ZNF462: variants seen among roughly 807,000 people sequenced by gnomAD.
The protein encoded by ZNF462 is zinc finger PBX1-interacting protein.
In ZNF462, 10 loss-of-function variants were observed where a neutral mutation model predicts 201.9. The ratio of observed to expected loss-of-function variants is 0.05; its 90% CI spans 0.03 to 0.08. The LOEUF (loss-of-function observed/expected upper bound fraction) is 0.08. Ranked by LOEUF, ZNF462 falls within the 10% of genes least tolerant of loss-of-function variation. ZNF462 has a pLI of 1.00. For synonymous variants in ZNF462, 1,227 were observed against 1,193.3 expected, an observed-to-expected ratio of 1.03 and a Z score of -0.58; for missense variants, 2,523 against 3,168.3, an observed-to-expected ratio of 0.80 and a Z score of 4.89.
At chr9:106,860,525 G>C (rs891723197), upstream of ZNF462, among the ~76,000 whole-genome samples, 1 of 152,060 alleles carries the variant, frequency 6.6e-6, no homozygotes, top group Non-Finnish European at 1.5e-5. The surrounding 1 kb of genome is among the most constrained non-coding windows in gnomAD (Gnocchi z 7.1). Context: ...CCCCATCTTA[G>C]GACTTACGAC....
Position 106,927,204 on chromosome 9 carries a change from T to TCCCCCCCCCCCCCCCCCCC in ZNF462, c.3296_3297insCCCCCCCCCCCCCCCCCCC (p.Gln1103ProfsTer16). The TCCCCCCCCCCCCCCCCCCC allele has an allele frequency of 6.4e-7, 1 of 1,570,638 alleles. No homozygotes were observed. The highest frequency in any genetic ancestry group is 8.7e-7 in the Non-Finnish European group (1 of 1,149,984). On this transcript the variant is annotated frameshift_variant, in exon 3 of 13. Transcript: ENST00000277225. LOFTEE classifies it high-confidence loss of function. Reference sequence around the variant, plus strand: ...GTCTCCCAAAATGTCCAACATGGGTTCCCCACCCCCCCCACAACCCCCGCC... The same window carrying TCCCCCCCCCCCCCCCCCCC: ...GTCTCCCAAAATGTCCAACATGGGTTCCCCCCCCCCCCCCCCCCCCCCCACCCCCCCCACAACCCCCGCC...
At chr9:106,898,137 A>G (rs184663938) in intron 1 of ZNF462, among the ~76,000 whole-genome samples, 102 of 152,336 alleles carry the variant, frequency 6.7e-4, no homozygotes, top group African/African-American at 2.2e-3. Flanking sequence ...ACTAAGTCTT[A>G]TAATAACATT....
At chr9:106,949,788 T>A (rs948784204) in intron 7 of ZNF462, among the ~76,000 whole-genome samples, 5 of 152,196 alleles carry the variant, frequency 3.3e-5, no homozygotes, top group African/African-American at 7.2e-5. Flanking sequence ...AATGTAATCT[T>A]CATGCTCTGG....
Position 106,995,327 on chromosome 9 carries a change from T to A in ZNF462, c.7057-7967T>A, listed in dbSNP as rs1192304578. Among the ~76,000 whole-genome samples the A allele has an allele frequency of 2.0e-5, 3 of 152,206 alleles. No individual in the cohort carries two copies. In the East Asian group the frequency reaches 5.8e-4, roughly 29 times the overall value. On this transcript the variant is annotated intron_variant, in intron 10 of 12. Transcript: ENST00000277225. The stretch of plus-strand genomic sequence containing the variant: ...CTGTGCTCTATATCCTTCTGGGTAC[T>A]CTATGATTCTTTGTTTTTAATATTC...
At chr9:106,891,436 C>T (rs966448348) in intron 1 of ZNF462, among the ~76,000 whole-genome samples, 2 of 152,034 alleles carry the variant, frequency 1.3e-5, no homozygotes, top group African/African-American at 2.4e-5. Context: ...GCTGCCTCTC[C>T]CCTTCTCTGT....
rs751537020 is a variant in ZNF462, at chr9:106,924,377, C to T, written c.465C>T (p.His155=). 8.0e-5 allele frequency: 129 copies of T among 1,613,972 alleles called. No homozygotes were observed. The highest frequency in any genetic ancestry group is 9.7e-5 in the Non-Finnish European group (115 of 1,180,032). ...CCTTAAATTATAATATCATGATGCA[C>T]GAGGGATTTGGAAAGGTCTTCTCTT... ...PGSLNYNIMM[H]EGFGKVFSCQ... Residue 155 remains histidine (H), a synonymous_variant, in exon 3 of 13, where the codon CAC becomes CAT. Coordinates refer to ENST00000277225, the MANE Select transcript of ZNF462 (RefSeq NM_021224.6). This position sits in a 1 kb window ranked among gnomAD's most constrained non-coding sequence, Gnocchi z 6.2.
chr9:107,012,456 T>G lies in ZNF462; in HGVS notation c.*1426T>G, dbSNP rs1829975061. 6.8e-6 allele frequency: 1 copy of G among 147,782 alleles called. No homozygotes were observed. Among genetic ancestry groups the G allele is most frequent in the African/African-American group, 2.5e-5 (1 of 40,340 alleles). The allele number at this position is 147,782 out of a possible 1,614,324, so 9.2% of individuals were successfully genotyped here. A position where few individuals can be genotyped will look rare whatever the true frequency, so the allele number is the denominator to read the frequency against. On this transcript the variant is annotated 3_prime_UTR_variant, in exon 13 of 13. Transcript: ENST00000277225. The stretch of plus-strand genomic sequence containing the variant: ...CTTTCTTTCTTTTTTTTTTTTTTTT[T>G]TTTTTTTTAAATCTAGCTGCCAGCT...
In ZNF462 at chr9:106,956,789, T is replaced by C. The variant is rs529967010; in HGVS notation, c.6428-15216T>C. 6.0e-4 allele frequency among the ~76,000 whole-genome samples: 92 copies of C among 152,292 alleles called. 1 individual carries two copies. Among genetic ancestry groups the C allele is most frequent in the African/African-American group, 2.0e-3 (85 of 41,578 alleles). On this transcript the variant is annotated intron_variant, in intron 7 of 12. Transcript: ENST00000277225. ...TGAAGACAGCTTCTTTTCTGAAACC[T>C]TATAAACCAACCTCTGCTAGCTTCA...
intron 7 of ZNF462, among the ~76,000 whole-genome samples, chr9:106,951,502 C>T (rs1159395869): frequency 6.6e-6 from 1 of 152,192 alleles, no homozygotes; most frequent in African/African-American, 2.4e-5. Flanking sequence ...TACTGTGCTG[C>T]ACACGTTGGT....
Position 106,974,068 on chromosome 9 carries a change from A to G in ZNF462, c.6696-69A>G, listed in dbSNP as rs994103751. ...CTTGGACATATATAACGGGTTTGCC[A>G]GCAGGAAATGTGAAAATGCAATGAT... On this transcript the variant is annotated intron_variant, in intron 8 of 12. Transcript: ENST00000277225. The surrounding 1 kb of genome is among the most constrained non-coding windows in gnomAD (Gnocchi z 4.0). The G allele has an allele frequency of 1.7e-5, 28 of 1,600,204 alleles. No individual in the cohort carries two copies. In the African/African-American group the frequency reaches 2.8e-4, roughly 16 times the overall value.
chr9:106,949,841 C>G (rs1160566592), intron 7 of ZNF462, among the ~76,000 whole-genome samples: 1 of 152,198 alleles, frequency 6.6e-6, no homozygotes, highest in Non-Finnish European at 1.5e-5. Flanking sequence ...TCAACAGACA[C>G]TTCAGTCGCC....
At chr9:106,953,696 C>A (rs1831453849) in intron 7 of ZNF462, among the ~76,000 whole-genome samples, 2 of 152,166 alleles carry the variant, frequency 1.3e-5, no homozygotes, top group Non-Finnish European at 2.9e-5. Flanking sequence ...TCTTCTGATG[C>A]CACCAATACT....
At chr9:106,910,576 C>T (rs989201714) in intron 1 of ZNF462, among the ~76,000 whole-genome samples, 8 of 151,956 alleles carry the variant, frequency 5.3e-5, no homozygotes, top group African/African-American at 1.9e-4. Context: ...TGGCTAGGTT[C>T]CTGGGCAGGA....
chr9:106,875,596 G>A (rs909825989), intron 1 of ZNF462, among the ~76,000 whole-genome samples: 3 of 152,128 alleles, frequency 2.0e-5, no homozygotes, highest in Non-Finnish European at 4.4e-5. Flanking sequence ...TATGAAATTT[G>A]CTGCCAGTGT....
chr9:106,894,587 G>A (rs1828731869), intron 1 of ZNF462, among the ~76,000 whole-genome samples: 1 of 152,136 alleles, frequency 6.6e-6, no homozygotes, highest in Non-Finnish European at 1.5e-5. Context: ...CTACCTCAAG[G>A]TGAGTACCAA....
rs1215709563 is a variant in ZNF462, at chr9:106,929,821, ACTT to A, written c.5847+67_5847+69del. ...CCTCTCATCACTGGTGCCCACATGC[ACTT>A]CTTCGTTGCCAGCCAAACTGCTGCA... On this transcript the variant is annotated intron_variant, in intron 3 of 12. Transcript: ENST00000277225. The surrounding 1 kb of genome is among the most constrained non-coding windows in gnomAD (Gnocchi z 8.7). The A allele has an allele frequency of 4.5e-5, 66 of 1,459,800 alleles. No individual in the cohort carries two copies. The highest frequency in any genetic ancestry group is 6.0e-5 in the Non-Finnish European group (64 of 1,075,228). The allele number at this position is 1,459,800 out of a possible 1,614,324, so 90.4% of individuals were successfully genotyped here.
intron 10 of ZNF462, among the ~76,000 whole-genome samples, chr9:107,000,931 C>T (rs1308872121): frequency 6.6e-6 from 1 of 152,056 alleles, no homozygotes; most frequent in Non-Finnish European, 1.5e-5. Flanking sequence ...GCAAGCCAGC[C>T]CTCCAGGAAT....
In ZNF462 at chr9:106,966,688, G is replaced by T. The variant is rs1433307087; in HGVS notation, c.6428-5317G>T. On this transcript the variant is annotated intron_variant, in intron 7 of 12. Transcript: ENST00000277225. The surrounding 1 kb of genome is among the most constrained non-coding windows in gnomAD (Gnocchi z 4.4). ...TCAAGTCTTACTGTCCCAGAACAGG[G>T]TCTCCTATTTACTTAAATGCTCAGT... Among the ~76,000 whole-genome samples, 1 of 152,114 alleles carries T rather than the reference G, an allele frequency of 6.6e-6. No individual in the cohort carries two copies. Among genetic ancestry groups the T allele is most frequent in the Non-Finnish European group, 1.5e-5 (1 of 68,008 alleles).
intron 1 of ZNF462, among the ~76,000 whole-genome samples, chr9:106,898,302 A>C (rs1004105860): frequency 2.0e-5 from 3 of 152,070 alleles, no homozygotes; most frequent in Non-Finnish European, 4.4e-5. Context: ...GCTGTGTGAA[A>C]ATGTTTGGGA....
Sources: allele counts gnomAD v4.1 joint callset (sites outside exome capture counted in the v4.1 genomes callset), GRCh38; gene constraint gnomAD v4.1.1; non-coding constraint Gnocchi (gnomAD v3.1); transcripts MANE v1.5; gene names NCBI Gene and HGNC (gene_info 2026-07-23, HGNC 2026-07-21).